Variants in FREM2 observed in about 807,000 individuals in gnomAD.
FREM2 encodes FRAS1 related extracellular matrix 2.
Under a neutral mutation model 219.9 loss-of-function variants are expected in FREM2, and 119 were observed. The observed-to-expected ratio is 0.54, with a 90% confidence interval of 0.47 to 0.63. The LOEUF is 0.63. FREM2 is among the 30% of genes least tolerant of loss of function. FREM2 has a pLI of 0.00. For missense variants in FREM2, 4,030 were observed against 3,993.6 expected (o/e 1.01, Z -0.25); for synonymous variants, 1,562 against 1,522.8 (o/e 1.03, Z -0.60).
Position 38,692,849 on chromosome 13 carries a change from T to C in FREM2, c.5173+332T>C, listed in dbSNP as rs184411060. ...ATACCTATCCAACGCATCCTCTGTGTTGTATGCTGCAGGTGGTTCATGAAG... is the reference window on the plus strand; with the variant it reads ...ATACCTATCCAACGCATCCTCTGTGCTGTATGCTGCAGGTGGTTCATGAAG... On this transcript the variant is annotated intron_variant, in intron 1 of 23. Transcript: ENST00000280481. Among the ~76,000 whole-genome samples, 13 of 152,352 alleles carry C rather than the reference T, an allele frequency of 8.5e-5. No homozygotes were observed. In the East Asian group the frequency reaches 2.5e-3, roughly 29 times the overall value.
chr13:38,701,240 C>G (rs1246509566), intron 2 of FREM2, among the ~76,000 whole-genome samples: 1 of 152,102 alleles, frequency 6.6e-6, no homozygotes, highest in Non-Finnish European at 1.5e-5. Flanking sequence ...CTGGGCCAGT[C>G]AACATACATG....
chr13:38,839,924 C>T (rs1876881577), intron 6 of FREM2, among the ~76,000 whole-genome samples: 3 of 152,172 alleles, frequency 2.0e-5, no homozygotes, highest in Non-Finnish European at 2.9e-5. Context: ...AGCTAAACCA[C>T]TTGGCTCCCT....
intron 6 of FREM2, among the ~76,000 whole-genome samples, chr13:38,841,421 A>G (rs1876959637): frequency 1.3e-5 from 2 of 152,162 alleles, no homozygotes; most frequent in African/African-American, 4.8e-5. Context: ...AAACAAACAC[A>G]GGTGCCTGGA....
rs1480267057 is a variant in FREM2 at position 38,872,845 on chromosome 13, T to C, written c.8087T>C (p.Leu2696Ser). The change falls in exon 17 of 24, where the codon TTG (leucine) becomes TCG (serine). Residue 2696 changes from leucine to serine, a missense_variant. Physicochemically the swap from Leu to Ser is moderately radical, Grantham distance 145. Coordinates refer to ENST00000280481, the MANE Select transcript of FREM2 (RefSeq NM_207361.6). The part of the protein sequence containing the change: ...VGVGGWQHFD[L>S]KSELRLTFVY... ...GTAGGAGGCTGGCAGCATTTTGACT[T>C]GAAGTCAGAGCTTCGTCTAACTTTT... The C allele has an allele frequency of 6.2e-7, 1 of 1,613,946 alleles. No homozygotes were observed. The highest frequency in any genetic ancestry group is 8.5e-7 in the Non-Finnish European group (1 of 1,179,930).
intron 11 of FREM2, among the ~76,000 whole-genome samples, chr13:38,855,485 G>A (rs549458130): frequency 8.5e-5 from 13 of 152,254 alleles, no homozygotes; most frequent in African/African-American, 3.1e-4. Context: ...ACTACTGATT[G>A]TCCCTCCCAT....
chr13:38,699,268 TA>T (rs905216661), intron 2 of FREM2, among the ~76,000 whole-genome samples: 1 of 152,132 alleles, frequency 6.6e-6, no homozygotes, highest in African/African-American at 2.4e-5. Flanking sequence ...GCAATTACAC[TA>T]AAATATTCTA....
intron 2 of FREM2, among the ~76,000 whole-genome samples, chr13:38,733,310 A>T (rs567262763): frequency 4.0e-5 from 2 of 49,756 alleles, no homozygotes; most frequent in South Asian, 9.5e-4. Context: ...CTTCGGAGCC[A>T]GTGGTTTTTT....
intron 6 of FREM2, among the ~76,000 whole-genome samples, chr13:38,785,069 A>G (rs1182611966): frequency 6.6e-6 from 1 of 152,216 alleles, no homozygotes; most frequent in African/African-American, 2.4e-5. Flanking sequence ...CTGTACCATC[A>G]GGTGATTAAA....
intron 21 of FREM2, 96 bp downstream of exon 21, chr13:38,877,339 T>G (rs1006446916): frequency 1.5e-5 from 20 of 1,331,250 alleles, no homozygotes; most frequent in Non-Finnish European, 2.1e-5. Context: ...AAATTATAGC[T>G]TTTTTTATGG....
rs1158116297 is a variant in FREM2, at chr13:38,880,320, TATAC to T, written c.9045_9048del (p.Tyr3015Ter). The T allele has an allele frequency of 6.2e-7, 1 of 1,613,972 alleles. No homozygotes were observed. The highest frequency in any genetic ancestry group is 2.2e-5 in the East Asian group (1 of 44,892). On this transcript the variant is annotated frameshift_variant, in exon 24 of 24. Transcript: ENST00000280481. LOFTEE classifies it low-confidence loss of function (END_TRUNC). ...CCGAGAATGGTATATACATACGATCTATACAGTGAGATCGAAAGACAATGCCAAT... is the reference window on the plus strand; with the variant it reads ...CCGAGAATGGTATATACATACGATCTAGTGAGATCGAAAGACAATGCCAAT...
intron 6 of FREM2, among the ~76,000 whole-genome samples, chr13:38,814,627 T>G (rs1178633995): frequency 6.6e-6 from 1 of 152,194 alleles, no homozygotes; most frequent in Non-Finnish European, 1.5e-5. Context: ...GTACTGAGCC[T>G]TGCCCAAGGC....
At chr13:38,870,824 C>T (rs915687354) in intron 16 of FREM2, among the ~76,000 whole-genome samples, 2 of 152,142 alleles carry the variant, frequency 1.3e-5, no homozygotes, top group Admixed American at 1.3e-4. Context: ...TAGTAATTCC[C>T]TCCAAAATAG....
At chr13:38,837,665 A>G (rs1335926433) in intron 6 of FREM2, among the ~76,000 whole-genome samples, 3 of 151,446 alleles carry the variant, frequency 2.0e-5, no homozygotes, top group African/African-American at 7.3e-5. Flanking sequence ...AGCTCTTTTT[A>G]TTGCATTGAT....
intron 18 of FREM2, among the ~76,000 whole-genome samples, 163 bp from the exon 19 acceptor site, chr13:38,875,859 T>C (rs1352789942): frequency 6.6e-6 from 1 of 152,238 alleles, no homozygotes; most frequent in Admixed American, 6.5e-5. Flanking sequence ...AGTTTCTTCA[T>C]CTGCCAGAGG....
chr13:38,863,754 G>A (rs1234186571), intron 15 of FREM2, among the ~76,000 whole-genome samples: 2 of 152,174 alleles, frequency 1.3e-5, no homozygotes, highest in Non-Finnish European at 2.9e-5. Flanking sequence ...TGAAAATAGC[G>A]ATTAAGTCAT....
At chr13:38,779,620 C>T (rs1183115171) in intron 4 of FREM2, 2 of 152,296 alleles carry the variant, frequency 1.3e-5, no homozygotes, top group East Asian at 3.9e-4. Flanking sequence ...CTCCATGTCA[C>T]TTGTTTCCAT....
intron 2 of FREM2, among the ~76,000 whole-genome samples, chr13:38,749,872 T>G (rs1872662306): frequency 6.6e-6 from 1 of 152,224 alleles, no homozygotes; most frequent in South Asian, 2.1e-4. Flanking sequence ...ATGAATTCTC[T>G]GCAGTAATCA....
Position 38,878,813 on chromosome 13 carries a change from T to A in FREM2, c.8860-18T>A. On this transcript the variant is annotated intron_variant, in intron 22 of 23. Transcript: ENST00000280481. ...TGGCATTATCTACAGCAATCACCAC[T>A]TTCCTTACTGCTTAAAGGACAAAGC... 6.2e-7 allele frequency: 1 copy of A among 1,613,980 alleles called. No homozygotes were observed. Among genetic ancestry groups the A allele is most frequent in the Non-Finnish European group, 8.5e-7 (1 of 1,179,808 alleles).
Position 38,784,578 on chromosome 13 carries a change from C to A in FREM2, c.5789C>A (p.Pro1930Gln). The A allele has an allele frequency of 6.2e-7, 1 of 1,614,118 alleles. No homozygotes were observed. The highest frequency in any genetic ancestry group is 8.5e-7 in the Non-Finnish European group (1 of 1,179,978). The change falls in exon 6 of 24, where the codon CCG becomes CAG. Residue 1930 changes from proline to glutamine, a missense_variant. Around this residue, in one of 2 missense-constraint regions of FREM2, gnomAD observed 3,102 missense variants for 2,950.7 expected, o/e 1.05. Coordinates refer to ENST00000280481, the MANE Select transcript of FREM2 (RefSeq NM_207361.6). Reference protein sequence around the residue: ...TQQGTATGTVPTSVLSYSDYI... With the variant: ...TQQGTATGTVQTSVLSYSDYI... ...CCAGGAACAGCAACTGGAACTGTGC[C>A]GACTTCCGTGTTGTCTTACTCTGAT...
Sources: gnomAD v4.1 joint callset for allele counts (sites outside exome capture counted in the v4.1 genomes callset) on GRCh38, gnomAD v4.1.1 for gene constraint, gnomAD v4.1.1 regional missense constraint, MANE v1.5 for transcripts, NCBI Gene and HGNC (gene_info 2026-07-23, HGNC 2026-07-21) for gene names.